UBE3A: variants seen among roughly 807,000 people sequenced by gnomAD.
UBE3A encodes the protein ubiquitin protein ligase E3A.
UBE3A carries 6 observed loss-of-function variants against 83.4 expected under a neutral mutation model. The ratio of observed to expected loss-of-function variants is 0.07; its 90% CI spans 0.04 to 0.14. The LOEUF is 0.14. Among genes scored for constraint, UBE3A ranks in the 10% least tolerant of loss-of-function variants. The probability of loss-of-function intolerance (pLI) is 1.00; values close to 1 mark genes in which losing one functional copy is unlikely to be tolerated. For missense variants in UBE3A, 456 were observed against 1,036.1 expected, an observed-to-expected ratio of 0.44 and a Z score of 7.69; for synonymous variants, 337 against 355.4, an observed-to-expected ratio of 0.95 and a Z score of 0.58.
intron 2 of UBE3A, among the ~76,000 whole-genome samples, chr15:25,411,408 G>A (rs914449876): frequency 2.0e-5 from 3 of 151,986 alleles, no homozygotes; most frequent in African/African-American, 4.8e-5. Flanking sequence ...TGGCCAACAC[G>A]GTGAAACCCC....
chr15:25,398,003 T>C (rs1298508778), intron 4 of UBE3A, among the ~76,000 whole-genome samples: 1 of 151,948 alleles, frequency 6.6e-6, no homozygotes. Context: ...CTCATACTCA[T>C]ATCTCCTTTC....
intron 4 of UBE3A, among the ~76,000 whole-genome samples, chr15:25,380,240 C>CT (rs376054951): frequency 0.011 from 1,606 of 149,480 alleles, 34 homozygotes; most frequent in African/African-American, 0.037. Flanking sequence ...AATTAAACTT[C>CT]TTTTTTTTTT....
chr15:25,360,639 G>A (rs946957951), intron 6 of UBE3A, 112 bp from the exon 7 acceptor site: 15 of 1,223,978 alleles, frequency 1.2e-5, no homozygotes, highest in Non-Finnish European at 1.6e-5. Context: ...TTGACTTTTT[G>A]TATGTAAATG....
At chr15:25,425,786 C>T (rs548704187) in intron 1 of UBE3A, among the ~76,000 whole-genome samples, 1 of 152,204 alleles carries the variant, frequency 6.6e-6, no homozygotes, top group South Asian at 2.1e-4. Flanking sequence ...GATGGTGGGG[C>T]AACTACCACA....
At chr15:25,364,867 C>T (rs931944056) in intron 6 of UBE3A, among the ~76,000 whole-genome samples, 10 of 151,598 alleles carry the variant, frequency 6.6e-5, no homozygotes, top group South Asian at 4.2e-4. Flanking sequence ...AGGATGGTTT[C>T]GGTCTCCTGA....
chr15:25,398,797 A>ATATATATATATATC, intron 4 of UBE3A, among the ~76,000 whole-genome samples: 1 of 83,206 alleles, frequency 1.2e-5, no homozygotes, highest in South Asian at 5.0e-4. Context: ...ATATATATAT[A>ATATATATATATATC]TATATATATA....
chr15:25,337,675 T>TAAAAC lies in UBE3A; in HGVS notation c.*1457_*1461dup, dbSNP rs971583421. 1 of 152,042 alleles carries TAAAAC rather than the reference T, an allele frequency of 6.6e-6. No homozygotes were observed. Among genetic ancestry groups the TAAAAC allele is most frequent in the Non-Finnish European group, 1.5e-5 (1 of 67,996 alleles). The allele number at this position is 152,042 out of a possible 1,614,324, so 9.4% of individuals were successfully genotyped here. A position where few individuals can be genotyped will look rare whatever the true frequency, so the allele number is the denominator to read the frequency against. On this transcript the variant is annotated 3_prime_UTR_variant, in exon 13 of 13. Coordinates refer to ENST00000648336, the MANE Select transcript of UBE3A (RefSeq NM_130839.5). ...ATCAGGTTGATCTACAGTAATCAGTTAAAACAATCAGTCAATCAATCAATC... is the reference window on the plus strand; with the variant it reads ...ATCAGGTTGATCTACAGTAATCAGTTAAAACAAAACAATCAGTCAATCAATCAATC...
At chr15:25,397,271 A>G (rs1205473531) in intron 4 of UBE3A, among the ~76,000 whole-genome samples, 2 of 152,232 alleles carry the variant, frequency 1.3e-5, no homozygotes, top group Non-Finnish European at 2.9e-5. Context: ...ACTTTAACAC[A>G]GCCAAGTAAA....
At chr15:25,422,354 T>C (rs1228184391) in intron 1 of UBE3A, among the ~76,000 whole-genome samples, 4 of 152,210 alleles carry the variant, frequency 2.6e-5, no homozygotes, top group Non-Finnish European at 4.4e-5. Flanking sequence ...TGATAGTGTA[T>C]ATATTTATCA....
In UBE3A at chr15:25,394,987, G is replaced by A. The variant is rs546256389; in HGVS notation, c.62+10474C>T. On this transcript the variant is annotated intron_variant, in intron 4 of 12. Coordinates refer to ENST00000648336, the MANE Select transcript of UBE3A (RefSeq NM_130839.5). ...CATGAAGAAAAATGCAGCAAGTTAA[G>A]GGGAATGCAGAAGAACATGATCATT... Among the ~76,000 whole-genome samples the A allele has an allele frequency of 8.7e-4, 133 of 152,274 alleles. 1 individual carries two copies. The South Asian group carries it at 0.026, about 30-fold the overall frequency.
At chr15:25,364,534 G>T (rs2078698289) in intron 6 of UBE3A, among the ~76,000 whole-genome samples, 1 of 152,022 alleles carries the variant, frequency 6.6e-6, no homozygotes, top group Non-Finnish European at 1.5e-5. Flanking sequence ...AAATGCATTA[G>T]GATATTTGAA....
intron 11 of UBE3A, among the ~76,000 whole-genome samples, chr15:25,347,899 TA>T (rs1411214422): frequency 1.3e-5 from 2 of 152,070 alleles, no homozygotes; most frequent in Non-Finnish European, 2.9e-5. Context: ...ATAAATGGTC[TA>T]AATAAAAAAA....
chr15:25,423,840 C>T (rs529529452), intron 1 of UBE3A, among the ~76,000 whole-genome samples: 30 of 152,238 alleles, frequency 2.0e-4, no homozygotes, highest in African/African-American at 7.0e-4. Context: ...ATGTTTTACT[C>T]CTCCCTTTAT....
intron 11 of UBE3A, among the ~76,000 whole-genome samples, chr15:25,340,556 A>G (rs544539375): frequency 3.3e-5 from 5 of 152,322 alleles, no homozygotes; most frequent in African/African-American, 9.6e-5. Flanking sequence ...AGCAAAAGAC[A>G]AAATCCTATG....
chr15:25,343,297 A>T (rs1376607909), intron 11 of UBE3A, among the ~76,000 whole-genome samples: 1 of 152,246 alleles, frequency 6.6e-6, no homozygotes, highest in African/African-American at 2.4e-5. Flanking sequence ...AGACCAGAAA[A>T]ATTCAGTCAT....
chr15:25,433,672 C>G (rs1391056956), intron 1 of UBE3A, among the ~76,000 whole-genome samples: 1 of 152,134 alleles, frequency 6.6e-6, no homozygotes, highest in African/African-American at 2.4e-5. Context: ...AGTGCTCATT[C>G]CATTTCAATG....
intron 4 of UBE3A, among the ~76,000 whole-genome samples, chr15:25,382,586 A>G (rs2082378407): frequency 6.6e-6 from 1 of 151,914 alleles, no homozygotes; most frequent in Non-Finnish European, 1.5e-5. Context: ...AATAAAAAAA[A>G]TAAAAATAAA....
intron 6 of UBE3A, among the ~76,000 whole-genome samples, chr15:25,368,391 AAAAAG>A (rs1459169126): frequency 6.6e-6 from 1 of 152,114 alleles, no homozygotes; most frequent in Non-Finnish European, 1.5e-5. Context: ...TTTTTTTAAA[AAAAAG>A]AAAAGGAAGA....
At chr15:25,416,113 G>C (rs1290681796) in intron 1 of UBE3A, among the ~76,000 whole-genome samples, 1 of 152,022 alleles carries the variant, frequency 6.6e-6, no homozygotes, top group Admixed American at 6.6e-5. Flanking sequence ...AAAAAACTGA[G>C]TATACACTAA....
Sources: gnomAD v4.1 joint callset for allele counts (sites outside exome capture counted in the v4.1 genomes callset) on GRCh38, gnomAD v4.1.1 for gene constraint, MANE v1.5 for transcripts, NCBI Gene and HGNC (gene_info 2026-07-23, HGNC 2026-07-21) for gene names.